The following MAPKAP1 variants were observed in gnomAD, a reference collection of about 807,000 sequenced individuals.
MAPKAP1 encodes MAPK associated protein 1.
Under a neutral mutation model 65.7 loss-of-function variants are expected in MAPKAP1, and 20 were observed. The ratio of observed to expected loss-of-function variants is 0.30; its 90% CI spans 0.21 to 0.44. The LOEUF (loss-of-function observed/expected upper bound fraction) is 0.44, where lower values mean the gene tolerates loss of function less well. Among genes scored for constraint, MAPKAP1 ranks in the 20% least tolerant of loss-of-function variants. MAPKAP1 has a pLI of 1.00. For missense variants in MAPKAP1, 423 were observed against 648.0 expected (o/e 0.65, Z 3.77); for synonymous variants, 222 against 244.3 (o/e 0.91, Z 0.85).
intron 5 of MAPKAP1, among the ~76,000 whole-genome samples, chr9:125,566,785 T>C (rs565766716): frequency 6.6e-6 from 1 of 152,284 alleles, no homozygotes; most frequent in African/African-American, 2.4e-5. Flanking sequence ...TCATCCATGC[T>C]AGAAGTTTTA....
intron 9 of MAPKAP1, among the ~76,000 whole-genome samples, chr9:125,468,773 C>T (rs550608739): frequency 2.0e-5 from 3 of 152,280 alleles, no homozygotes; most frequent in Admixed American, 1.3e-4. Context: ...CTGCTGAGGG[C>T]GAGACTCGGC....
chr9:125,597,666 A>T lies in MAPKAP1; in HGVS notation c.499-11939T>A, dbSNP rs926250413. On this transcript the variant is annotated intron_variant, in intron 4 of 11. Transcript: ENST00000265960. ...CAATTAAAGAGACAAAAAGCAGGCA[A>T]CATTATTCCATTAGTAACAACTGCA... Among the ~76,000 whole-genome samples, 4 of 152,234 alleles carry T rather than the reference A, an allele frequency of 2.6e-5. No individual in the cohort carries two copies. The East Asian group carries it at 7.7e-4, about 29-fold the overall frequency.
At chr9:125,506,130 A>C in intron 8 of MAPKAP1, 180 bp downstream of exon 8, 1 of 641,938 alleles carries the variant, frequency 1.6e-6, no homozygotes. Flanking sequence ...TCTACCAAAA[A>C]GCACAAAATC....
intron 1 of MAPKAP1, among the ~76,000 whole-genome samples, chr9:125,697,729 A>G (rs1008605679): frequency 5.0e-4 from 76 of 152,326 alleles, no homozygotes; most frequent in African/African-American, 1.7e-3. Context: ...AAAGGCATGC[A>G]TAACTTTTTT....
At chr9:125,519,436 A>G (rs1202020401) in intron 7 of MAPKAP1, among the ~76,000 whole-genome samples, 1 of 151,954 alleles carries the variant, frequency 6.6e-6, no homozygotes, top group Non-Finnish European at 1.5e-5. Context: ...CAGTTCAAGA[A>G]CAGCCTGAGC....
chr9:125,541,656 G>C (rs1277673669), intron 7 of MAPKAP1, among the ~76,000 whole-genome samples: 1 of 152,046 alleles, frequency 6.6e-6, no homozygotes, highest in East Asian at 1.9e-4. Flanking sequence ...TAAATGCAAA[G>C]AAGTTTGACC....
intron 1 of MAPKAP1, among the ~76,000 whole-genome samples, chr9:125,675,908 T>A (rs979111699): frequency 6.6e-6 from 1 of 152,186 alleles, no homozygotes; most frequent in African/African-American, 2.4e-5. Flanking sequence ...TTCAAAATTG[T>A]CCCCTTGGAA....
chr9:125,691,317 T>C (rs988364558), intron 1 of MAPKAP1, among the ~76,000 whole-genome samples: 19 of 151,494 alleles, frequency 1.3e-4, no homozygotes, highest in African/African-American at 4.1e-4. Flanking sequence ...ACTGAGTGAA[T>C]GTGAAGGATT....
chr9:125,566,277 A>C (rs1019130960), intron 5 of MAPKAP1, among the ~76,000 whole-genome samples: 6 of 152,178 alleles, frequency 3.9e-5, no homozygotes, highest in African/African-American at 1.4e-4. Flanking sequence ...AACTTATAAG[A>C]CTTCTTGCTG....
At chr9:125,442,777 T>C (rs115904719) in intron 11 of MAPKAP1, among the ~76,000 whole-genome samples, 1 of 152,238 alleles carries the variant, frequency 6.6e-6, no homozygotes, top group Non-Finnish European at 1.5e-5. Flanking sequence ...TGCTACTCTG[T>C]CTGCTCCAAA....
intron 8 of MAPKAP1, among the ~76,000 whole-genome samples, chr9:125,490,349 G>A (rs1254825512): frequency 6.6e-6 from 1 of 152,112 alleles, no homozygotes; most frequent in Non-Finnish European, 1.5e-5. Context: ...AGACCAGCCT[G>A]ACCAACATGG....
chr9:125,550,856 A>G (rs1460006768), intron 6 of MAPKAP1, among the ~76,000 whole-genome samples: 2 of 152,260 alleles, frequency 1.3e-5, no homozygotes, highest in Non-Finnish European at 2.9e-5. Context: ...CTATGAATCA[A>G]GCAAACAATA....
intron 4 of MAPKAP1, among the ~76,000 whole-genome samples, chr9:125,626,383 C>G (rs945689849): frequency 8.5e-5 from 13 of 152,180 alleles, no homozygotes; most frequent in Non-Finnish European, 2.9e-5. Flanking sequence ...ATTACTGGCA[C>G]AGAAGGGTAT....
chr9:125,467,829 A>G, intron 10 of MAPKAP1, 143 bp downstream of exon 10: 1 of 911,766 alleles, frequency 1.1e-6, no homozygotes, highest in South Asian at 1.8e-5. Context: ...ATCCCGTTTG[A>G]TTAAAAGAAA....
At chr9:125,574,464 G>A (rs1279526789) in intron 5 of MAPKAP1, among the ~76,000 whole-genome samples, 2 of 152,220 alleles carry the variant, frequency 1.3e-5, no homozygotes, top group African/African-American at 4.8e-5. Flanking sequence ...TAGTTCTCAT[G>A]ATGACTCTAA....
chr9:125,661,324 C>G (rs1207213869), intron 3 of MAPKAP1, among the ~76,000 whole-genome samples: 1 of 152,150 alleles, frequency 6.6e-6, no homozygotes, highest in Non-Finnish European at 1.5e-5. Context: ...AACAATACCA[C>G]TTAGATACAC....
chr9:125,498,520 G>A (rs1048824836), intron 8 of MAPKAP1, among the ~76,000 whole-genome samples: 6 of 152,200 alleles, frequency 3.9e-5, no homozygotes, highest in Admixed American at 1.3e-4. Context: ...GCCCAAATAC[G>A]TAATTTTTAA....
chr9:125,571,026 C>G (rs1330544642), intron 5 of MAPKAP1, among the ~76,000 whole-genome samples: 1 of 151,930 alleles, frequency 6.6e-6, no homozygotes, highest in Non-Finnish European at 1.5e-5. Context: ...TTAAAAATTG[C>G]ATTTAACATT....
At chr9:125,545,114 T>C (rs1173890872) in intron 6 of MAPKAP1, among the ~76,000 whole-genome samples, 1 of 152,254 alleles carries the variant, frequency 6.6e-6, no homozygotes, top group East Asian at 1.9e-4. Context: ...CTAATTTTAC[T>C]GAACACTCTG....
Sources: allele counts gnomAD v4.1 joint callset (sites outside exome capture counted in the v4.1 genomes callset), GRCh38; gene constraint gnomAD v4.1.1; transcripts MANE v1.5; gene names NCBI Gene and HGNC (gene_info 2026-07-23, HGNC 2026-07-21).